Variants in SPIDR observed in about 807,000 individuals in gnomAD.
SPIDR encodes the protein DNA repair-scaffolding protein.
Under a neutral mutation model 104.6 loss-of-function variants are expected in SPIDR, and 93 were observed. The observed-to-expected ratio is 0.89, with a 90% confidence interval of 0.75 to 1.06. The LOEUF is 1.06. SPIDR is among the 50% of genes least tolerant of loss of function. SPIDR has a pLI of 0.00. For synonymous variants in SPIDR, 431 were observed against 416.9 expected, an observed-to-expected ratio of 1.03 and a Z score of -0.41; for missense variants, 1,154 against 1,111.2, an observed-to-expected ratio of 1.04 and a Z score of -0.55.
chr8:47,365,310 A>G (rs1554633764), intron 5 of SPIDR, among the ~76,000 whole-genome samples: 1 of 152,158 alleles, frequency 6.6e-6, no homozygotes, highest in South Asian at 2.1e-4. Context: ...CCTATCGGCA[A>G]ACATCATTAT....
At chr8:47,600,952 C>T (rs1421458925) in intron 10 of SPIDR, among the ~76,000 whole-genome samples, 4 of 152,168 alleles carry the variant, frequency 2.6e-5, no homozygotes, top group Non-Finnish European at 5.9e-5. Context: ...ACAACCAATG[C>T]ACGTTATGAA....
At chr8:47,375,567 A>G (rs888479750) in intron 5 of SPIDR, among the ~76,000 whole-genome samples, 1 of 152,172 alleles carries the variant, frequency 6.6e-6, no homozygotes, top group Non-Finnish European at 1.5e-5. Flanking sequence ...AACAAAAATA[A>G]CAATTGTTTT....
At chr8:47,457,483 A>G (rs1017899574) in intron 8 of SPIDR, among the ~76,000 whole-genome samples, 7 of 152,040 alleles carry the variant, frequency 4.6e-5, no homozygotes, top group Non-Finnish European at 8.8e-5. Context: ...TTCCTTGTAG[A>G]TTCTGGATAT....
At chr8:47,402,012 C>A (rs2061968092) in intron 6 of SPIDR, among the ~76,000 whole-genome samples, 1 of 152,168 alleles carries the variant, frequency 6.6e-6, no homozygotes, top group Non-Finnish European at 1.5e-5. Flanking sequence ...ACTCTCCACC[C>A]CAAATCAAGA....
chr8:47,499,133 A>G (rs1343174233), intron 8 of SPIDR, among the ~76,000 whole-genome samples: 1 of 152,198 alleles, frequency 6.6e-6, no homozygotes, highest in African/African-American at 2.4e-5. Context: ...GAGGAACTCA[A>G]TAAATGCCTC....
At chr8:47,547,537 C>G (rs1250836326) in intron 8 of SPIDR, 3 of 179,588 alleles carry the variant, frequency 1.7e-5, no homozygotes, top group East Asian at 3.5e-4. Flanking sequence ...AGCAATTCTC[C>G]TGGCTCAGCC....
At chr8:47,654,135 A>G (rs558667557) in intron 10 of SPIDR, 61 of 1,289,854 alleles carry the variant, frequency 4.7e-5, no homozygotes, top group South Asian at 1.6e-4. Flanking sequence ...GATACTCCCA[A>G]AGTTCTCTGG....
Position 47,618,915 on chromosome 8 carries a change from A to G in SPIDR, c.1544+19719A>G, listed in dbSNP as rs549351456. On this transcript the variant is annotated intron_variant, in intron 10 of 19. Transcript: ENST00000297423. The stretch of plus-strand genomic sequence containing the variant: ...GAACAAGGTCCAAAACAAGCACAAA[A>G]GTGTGTTACCATTTGGTTAAAACAA... Among the ~76,000 whole-genome samples the G allele has an allele frequency of 2.0e-5, 3 of 152,376 alleles. No individual in the cohort carries two copies. The South Asian group carries it at 6.2e-4, about 32-fold the overall frequency.
At chr8:47,621,933 C>T (rs1277387597) in intron 10 of SPIDR, among the ~76,000 whole-genome samples, 1 of 152,078 alleles carries the variant, frequency 6.6e-6, no homozygotes, top group Admixed American at 6.5e-5. Flanking sequence ...CCATTGCACT[C>T]CAGCCTAGGC....
intron 8 of SPIDR, among the ~76,000 whole-genome samples, chr8:47,452,406 C>CA (rs1481546779): frequency 1.6e-4 from 25 of 151,962 alleles, no homozygotes; most frequent in African/African-American, 6.0e-4. Context: ...AGAGACACAA[C>CA]AAAAAAAGAC....
In SPIDR at chr8:47,735,564, T is replaced by G; in HGVS notation, c.*114T>G. 2 of 1,548,930 alleles carry G rather than the reference T, an allele frequency of 1.3e-6. No individual in the cohort carries two copies. Among genetic ancestry groups the G allele is most frequent in the Middle Eastern group, 1.9e-4 (1 of 5,176 alleles). ...GACACAGTGAACGTAGTTTACGATC[T>G]TGAAATGAAACTTAGATTTTTCTGG... On this transcript the variant is annotated 3_prime_UTR_variant, in exon 20 of 20. Transcript: ENST00000297423.
At chr8:47,288,619 A>T (rs1197029798) in intron 3 of SPIDR, among the ~76,000 whole-genome samples, 1 of 152,202 alleles carries the variant, frequency 6.6e-6, no homozygotes, top group African/African-American at 2.4e-5. Flanking sequence ...CAGATGCATA[A>T]TAATGATAGA....
At chr8:47,491,779 G>A (rs1774262986) in intron 8 of SPIDR, among the ~76,000 whole-genome samples, 1 of 152,092 alleles carries the variant, frequency 6.6e-6, no homozygotes, top group African/African-American at 2.4e-5. Flanking sequence ...GAGCCCATGA[G>A]TTCAAGGCTG....
At chr8:47,715,087 C>T (rs2082380476) in intron 16 of SPIDR, among the ~76,000 whole-genome samples, 1 of 152,118 alleles carries the variant, frequency 6.6e-6, no homozygotes. Flanking sequence ...TACCACCCAC[C>T]CTCCCACACC....
At chr8:47,604,509 A>G (rs1272153228) in intron 10 of SPIDR, among the ~76,000 whole-genome samples, 1 of 152,212 alleles carries the variant, frequency 6.6e-6, no homozygotes, top group East Asian at 1.9e-4. Context: ...AAGCAGAGAG[A>G]CGCAGGAAGC....
chr8:47,654,542 A>G (rs759453482), intron 10 of SPIDR, among the ~76,000 whole-genome samples: 2 of 152,214 alleles, frequency 1.3e-5, no homozygotes, highest in Non-Finnish European at 2.9e-5. Context: ...TCATTGGCCT[A>G]AATAAATGCA....
chr8:47,538,857 CTTTTTTTTTTTTT>C (rs1161571829), intron 8 of SPIDR, among the ~76,000 whole-genome samples: 2 of 100,866 alleles, frequency 2.0e-5, no homozygotes, highest in Non-Finnish European at 4.2e-5. Flanking sequence ...TTTTTCTTTT[CTTTTTTTTTTTTT>C]TTTTTTTTGA....
At chr8:47,554,862 T>G (rs1427887024) in intron 8 of SPIDR, among the ~76,000 whole-genome samples, 1 of 152,226 alleles carries the variant, frequency 6.6e-6, no homozygotes, top group Non-Finnish European at 1.5e-5. Flanking sequence ...GCTGTTCCTA[T>G]TCAGCCATCT....
intron 8 of SPIDR, chr8:47,547,073 G>A: frequency 1.9e-6 from 1 of 531,210 alleles, no homozygotes; most frequent in South Asian, 1.6e-5. Flanking sequence ...TGTCAAACTT[G>A]ATGAAATCAG....
Sources: gnomAD v4.1 joint callset for allele counts (sites outside exome capture counted in the v4.1 genomes callset) on GRCh38, gnomAD v4.1.1 for gene constraint, MANE v1.5 for transcripts, NCBI Gene and HGNC (gene_info 2026-07-23, HGNC 2026-07-21) for gene names.